Variants in NXPE2 observed in about 807,000 individuals in gnomAD.
The protein encoded by NXPE2 is NXPE family member 2.
In NXPE2, 34 loss-of-function variants were observed where a neutral mutation model predicts 34.4. That is an observed-to-expected ratio of 0.99 (90% CI 0.75 to 1.31). NXPE2 has a LOEUF of 1.31. NXPE2 is among the 40% of genes most tolerant of loss of function. The pLI, the probability that NXPE2 is intolerant of heterozygous loss-of-function variation, is 0.00. For missense variants in NXPE2, 649 were observed against 672.5 expected (o/e 0.97, Z 0.39); for synonymous variants, 235 against 231.3 (o/e 1.02, Z -0.15).
At chr11:114,667,017 C>T in the NXPE2 span, among the ~76,000 whole-genome samples, 1 of 152,132 alleles carries the variant, frequency 6.6e-6, no homozygotes, top group Non-Finnish European at 1.5e-5. Context: ...CATCTAACGT[C>T]CTCACTTTTA....
chr11:114,773,186 C>G, the NXPE2 span, among the ~76,000 whole-genome samples: 19 of 151,926 alleles, frequency 1.3e-4, no homozygotes, highest in Admixed American at 6.6e-4. Flanking sequence ...TGTACAACTT[C>G]CTCTGTTCTC....
the NXPE2 span, among the ~76,000 whole-genome samples, chr11:114,715,377 G>T: frequency 6.6e-6 from 1 of 152,256 alleles, no homozygotes; most frequent in African/African-American, 2.4e-5. Flanking sequence ...AATTTGAAAA[G>T]AAGCTCTTCT....
the NXPE2 span, among the ~76,000 whole-genome samples, chr11:114,592,273 T>C: frequency 6.6e-6 from 1 of 152,176 alleles, no homozygotes; most frequent in Middle Eastern, 3.4e-3. Context: ...TTTAGAACAC[T>C]CCATAGACTT....
At chr11:114,683,867 A>T (rs1950993496) in intron 2 of NXPE2, among the ~76,000 whole-genome samples, 2 of 152,176 alleles carry the variant, frequency 1.3e-5, no homozygotes, top group African/African-American at 4.8e-5. Context: ...AAGTCAATGA[A>T]TTTGGCCTAT....
chr11:114,560,131 T>C, the NXPE2 span, among the ~76,000 whole-genome samples: 2 of 152,170 alleles, frequency 1.3e-5, no homozygotes, highest in African/African-American at 4.8e-5. Context: ...CTTGAAGTCA[T>C]AGTGTAAAAA....
chr11:114,497,915 A>G, the NXPE2 span, among the ~76,000 whole-genome samples: 1 of 152,170 alleles, frequency 6.6e-6, no homozygotes, highest in African/African-American at 2.4e-5. Flanking sequence ...GTTATAAAAC[A>G]TACTAATAAA....
the NXPE2 span, among the ~76,000 whole-genome samples, chr11:114,601,690 A>ATTT: frequency 6.2e-5 from 2 of 32,450 alleles, no homozygotes; most frequent in African/African-American, 2.0e-4. Context: ...TAGATTATAT[A>ATTT]TATTTATAAT....
chr11:114,765,035 T>C, the NXPE2 span, among the ~76,000 whole-genome samples: 1 of 152,180 alleles, frequency 6.6e-6, no homozygotes, highest in Non-Finnish European at 1.5e-5. Flanking sequence ...TGTACCTCAT[T>C]CCTCCATCTT....
At chr11:114,566,951 T>C in the NXPE2 span, among the ~76,000 whole-genome samples, 7 of 152,184 alleles carry the variant, frequency 4.6e-5, no homozygotes, top group East Asian at 1.9e-4. Context: ...TCTGCAATCA[T>C]GGACAGAAGT....
At chr11:114,621,079 GATA>G in the NXPE2 span, among the ~76,000 whole-genome samples, 18 of 152,222 alleles carry the variant, frequency 1.2e-4, no homozygotes, top group Admixed American at 9.8e-4. Flanking sequence ...TTACCCCGTG[GATA>G]ATAAGTATTG....
the NXPE2 span, chr11:114,522,618 T>G: frequency 1.1e-6 from 1 of 888,978 alleles, no homozygotes. Flanking sequence ...CACTGGAGCC[T>G]TTCTACTCTC....
chr11:114,685,563 T>C (rs1951030998), intron 2 of NXPE2, among the ~76,000 whole-genome samples: 1 of 152,178 alleles, frequency 6.6e-6, no homozygotes, highest in Admixed American at 6.5e-5. Context: ...AAATATTCTA[T>C]CTATAGCAAC....
At chr11:114,729,006 A>G in the NXPE2 span, among the ~76,000 whole-genome samples, 2 of 152,088 alleles carry the variant, frequency 1.3e-5, no homozygotes, top group Non-Finnish European at 2.9e-5. Flanking sequence ...CAGGTTTGGG[A>G]TATGATTTAT....
the NXPE2 span, chr11:114,584,780 C>T: frequency 6.6e-6 from 1 of 152,460 alleles, no homozygotes. Context: ...TCTATTTCTC[C>T]AGGTATTCAT....
chr11:114,506,071 G>A, the NXPE2 span, among the ~76,000 whole-genome samples: 2,714 of 148,472 alleles, frequency 0.018, 87 homozygotes, highest in African/African-American at 0.062. Context: ...AGGGGTTGCA[G>A]TCCTAGTTTC....
chr11:114,807,759 C>A, the NXPE2 span, among the ~76,000 whole-genome samples: 3 of 151,942 alleles, frequency 2.0e-5, no homozygotes, highest in South Asian at 6.3e-4. Flanking sequence ...TTTAACACCC[C>A]ACTGTCAACA....
the NXPE2 span, among the ~76,000 whole-genome samples, chr11:114,656,334 C>G: frequency 1.3e-5 from 2 of 152,116 alleles, no homozygotes. Context: ...GAATCAATAT[C>G]GTGAAAATGA....
the NXPE2 span, among the ~76,000 whole-genome samples, chr11:114,657,187 C>A: frequency 6.6e-6 from 1 of 152,196 alleles, no homozygotes; most frequent in South Asian, 2.1e-4. Flanking sequence ...AGGACCTCCA[C>A]ATGGAATTCC....
At chr11:114,493,168 G>A in the NXPE2 span, among the ~76,000 whole-genome samples, 5,849 of 152,120 alleles carry the variant, frequency 0.038, 148 homozygotes, top group Middle Eastern at 0.082. Flanking sequence ...AGCATGAAAT[G>A]TCTTTTTCCA....
Sources: gnomAD v4.1 joint callset for allele counts (sites outside exome capture counted in the v4.1 genomes callset) on GRCh38, gnomAD v4.1.1 for gene constraint, MANE v1.5 for transcripts, NCBI Gene and HGNC (gene_info 2026-07-23, HGNC 2026-07-21) for gene names.